The following MCHR2 variants were observed in gnomAD, a reference collection of about 807,000 sequenced individuals.
The protein encoded by MCHR2 is melanin-concentrating hormone receptor 2.
A neutral mutation model predicts 24.8 loss-of-function variants in MCHR2; 15 were observed. The observed-to-expected ratio is 0.60, with a 90% CI of 0.40 to 0.93. MCHR2 has a LOEUF of 0.93. Ranked by LOEUF, MCHR2 falls within the 40% of genes least tolerant of loss-of-function variation. The pLI is 0.00. For missense variants in MCHR2, 386 were observed against 408.7 expected (o/e 0.94, Z 0.48); for synonymous variants, 151 against 147.6 (o/e 1.02, Z -0.17).
At chr6:99,975,031 TGAG>T (rs1414090047) in intron 1 of MCHR2, among the ~76,000 whole-genome samples, 1 of 152,206 alleles carries the variant, frequency 6.6e-6, no homozygotes, top group East Asian at 1.9e-4. Context: ...GGGACCCACT[TGAG>T]GAGGCAGTCT....
intron 1 of MCHR2, among the ~76,000 whole-genome samples, chr6:99,959,843 A>ATAATAATG: frequency 6.7e-6 from 1 of 150,098 alleles, no homozygotes; most frequent in African/African-American, 2.4e-5. Context: ...TGATAATAAT[A>ATAATAATG]ATAATAATAA....
chr6:99,921,656 A>C (rs1175415729), intron 5 of MCHR2, among the ~76,000 whole-genome samples: 1 of 152,174 alleles, frequency 6.6e-6, no homozygotes, highest in Non-Finnish European at 1.5e-5. Context: ...TTATTTTTAA[A>C]AGTACAATTA....
rs1775946384 is a variant in MCHR2, at chr6:99,994,163, C to T, written c.-255G>A. On this transcript the variant is annotated 5_prime_UTR_variant, in exon 1 of 6. Transcript: ENST00000281806. ...CACAGGAACAGCCAAACGCCCGAAC[C>T]AGCGGGGTTACCTTTGCCACTTCAT... 6.6e-6 allele frequency: 1 copy of T among 152,314 alleles called. No homozygotes were observed. The highest frequency in any genetic ancestry group is 2.4e-5 in the African/African-American group (1 of 41,480). 9.4% of individuals were successfully genotyped at this position (152,314 alleles called of 1,614,324 possible).
rs374091259 is a variant in MCHR2, at chr6:99,976,860, G to C, written c.-28+17076C>G. On this transcript the variant is annotated intron_variant, in intron 1 of 5. Transcript: ENST00000281806. ...ATTCCAGTTTTGCCTTTAAGAAATTGACATCCTTTTTTGACATTCTTGCCT... is the reference window on the plus strand; with the variant it reads ...ATTCCAGTTTTGCCTTTAAGAAATTCACATCCTTTTTTGACATTCTTGCCT... Among the ~76,000 whole-genome samples the C allele has an allele frequency of 4.0e-4, 61 of 152,182 alleles. 1 individual carries two copies. The highest frequency in any genetic ancestry group is 1.4e-3 in the Admixed American group (22 of 15,276).
At chr6:99,958,060 G>A (rs1352770706) in intron 1 of MCHR2, among the ~76,000 whole-genome samples, 1 of 151,872 alleles carries the variant, frequency 6.6e-6, no homozygotes, top group Non-Finnish European at 1.5e-5. Flanking sequence ...CAGATAGAAG[G>A]ACTTAATTTA....
At chr6:99,964,225 T>A (rs1227286069) in intron 1 of MCHR2, among the ~76,000 whole-genome samples, 1 of 152,140 alleles carries the variant, frequency 6.6e-6, no homozygotes, top group Non-Finnish European at 1.5e-5. Flanking sequence ...GTTGAATAGA[T>A]ACATATTGCT....
intron 1 of MCHR2, among the ~76,000 whole-genome samples, chr6:99,960,570 G>C (rs900099444): frequency 6.6e-6 from 1 of 152,120 alleles, no homozygotes; most frequent in Admixed American, 6.6e-5. Context: ...CATGCTACCT[G>C]ACTTCAAACT....
At position 99,920,791 on chromosome 6, in the gene MCHR2, A is replaced by G. The variant is rs200008865; in HGVS notation, c.*149T>C. 4.0e-4 allele frequency: 301 copies of G among 747,000 alleles called. 1 individual carries two copies. Among genetic ancestry groups the G allele is most frequent in the Admixed American group, 8.1e-4 (30 of 36,918 alleles). The allele number at this position is 747,000 out of a possible 1,614,324, so 46.3% of individuals were successfully genotyped here. A position where few individuals can be genotyped will look rare whatever the true frequency, so the allele number is the denominator to read the frequency against. The stretch of plus-strand genomic sequence containing the variant: ...AAAGTTAGCATATTAAGCTCATTGT[A>G]TTTGCATGGTTACACTTCTCTTCCA... On this transcript the variant is annotated 3_prime_UTR_variant, in exon 6 of 6. Coordinates refer to ENST00000281806, the MANE Select transcript of MCHR2 (RefSeq NM_001040179.2).
intron 4 of MCHR2, 67 bp from the exon 5 acceptor site, chr6:99,934,584 T>C (rs1774617753): frequency 7.3e-7 from 1 of 1,377,970 alleles, no homozygotes; most frequent in South Asian, 1.8e-5. Context: ...GGATTAGGAA[T>C]TGGCTTTTGC....
intron 2 of MCHR2, among the ~76,000 whole-genome samples, chr6:99,952,149 G>C (rs572719651): frequency 6.6e-6 from 1 of 151,990 alleles, no homozygotes; most frequent in Non-Finnish European, 1.5e-5. Flanking sequence ...CTGTCTCCTG[G>C]GAATGCAAGA....
intron 5 of MCHR2, among the ~76,000 whole-genome samples, chr6:99,926,550 C>T (rs1774363706): frequency 6.6e-6 from 1 of 152,198 alleles, no homozygotes; most frequent in South Asian, 2.1e-4. Flanking sequence ...GATGGTATCT[C>T]ATTGTGGTTT....
chr6:99,931,853 A>C (rs1052291591), intron 5 of MCHR2, among the ~76,000 whole-genome samples: 1 of 152,002 alleles, frequency 6.6e-6, no homozygotes, highest in Non-Finnish European at 1.5e-5. Context: ...ACTGTCCTGC[A>C]CCCACTGTCT....
intron 1 of MCHR2, among the ~76,000 whole-genome samples, chr6:99,984,594 A>C (rs1562136716): frequency 6.6e-6 from 1 of 152,196 alleles, no homozygotes; most frequent in African/African-American, 2.4e-5. Flanking sequence ...TCACATCAAT[A>C]GATGCAGAAA....
rs1774169210 is a variant in MCHR2 at position 99,918,881 on chromosome 6, A to C, written c.*2059T>G. On this transcript the variant is annotated 3_prime_UTR_variant, in exon 6 of 6. Transcript: ENST00000281806. ...ATAATTTAAAATAATTCACTGGCCA[A>C]TTATTTGAGGACTATTGGGACTGCT... Among the ~76,000 whole-genome samples the C allele has an allele frequency of 6.6e-6, 1 of 152,166 alleles. No homozygotes were observed. Among genetic ancestry groups the C allele is most frequent in the East Asian group, 1.9e-4 (1 of 5,196 alleles).
intron 1 of MCHR2, among the ~76,000 whole-genome samples, chr6:99,973,354 A>G (rs969047744): frequency 1.1e-4 from 16 of 151,600 alleles, no homozygotes; most frequent in Non-Finnish European, 1.9e-4. Context: ...TGTTGGTTTA[A>G]AGTCTGTTTT....
chr6:99,926,132 A>C (rs1282369680), intron 5 of MCHR2, among the ~76,000 whole-genome samples: 1 of 151,922 alleles, frequency 6.6e-6, no homozygotes, highest in East Asian at 1.9e-4. Flanking sequence ...ATGATTTCCA[A>C]TTTCATCCAT....
intron 4 of MCHR2, among the ~76,000 whole-genome samples, chr6:99,940,416 G>C (rs966797810): frequency 1.3e-5 from 2 of 151,812 alleles, no homozygotes; most frequent in African/African-American, 4.8e-5. Context: ...TCAGTTCCAA[G>C]ATTTTTTTTA....
intron 3 of MCHR2, among the ~76,000 whole-genome samples, chr6:99,946,387 A>T (rs1774872313): frequency 6.6e-6 from 1 of 152,218 alleles, no homozygotes. Flanking sequence ...TTCTTGTCAG[A>T]GTGAATTATT....
At position 99,920,051 on chromosome 6, in the gene MCHR2, A is replaced by G. The variant is rs2114477118; in HGVS notation, c.*889T>C. ...AGGAATGTTTCCTAATTATGCTTAA[A>G]GTCCAGAAGTAAAGTATTATTATTA... On this transcript the variant is annotated 3_prime_UTR_variant, in exon 6 of 6. Transcript: ENST00000281806. 1 of 152,362 alleles carries G rather than the reference A, an allele frequency of 6.6e-6. No homozygotes were observed. Among genetic ancestry groups the G allele is most frequent in the Non-Finnish European group, 1.5e-5 (1 of 68,042 alleles). 9.4% of individuals were successfully genotyped at this position (152,362 alleles called of 1,614,324 possible).
Sources: gnomAD v4.1 joint callset for allele counts (sites outside exome capture counted in the v4.1 genomes callset) on GRCh38, gnomAD v4.1.1 for gene constraint, MANE v1.5 for transcripts, NCBI Gene and HGNC (gene_info 2026-07-23, HGNC 2026-07-21) for gene names.